The following RASGRP3 variants were observed in gnomAD, a reference collection of about 807,000 sequenced individuals.
The protein encoded by RASGRP3 is ras guanyl-releasing protein 3.
In RASGRP3, 54 loss-of-function variants were observed where a neutral mutation model predicts 82.7. The observed-to-expected ratio is 0.65, with a 90% CI of 0.52 to 0.82. The LOEUF (loss-of-function observed/expected upper bound fraction) is 0.82, where lower values mean the gene tolerates loss of function less well. Ranked by LOEUF, RASGRP3 falls within the 40% of genes least tolerant of loss-of-function variation. The pLI is 0.00. For missense variants in RASGRP3, 861 were observed against 828.9 expected (o/e 1.04, Z -0.48); for synonymous variants, 309 against 300.5 (o/e 1.03, Z -0.29).
intron 11 of RASGRP3, among the ~76,000 whole-genome samples, chr2:33,537,040 A>G (rs1447739528): frequency 1.3e-5 from 2 of 152,092 alleles, no homozygotes; most frequent in Non-Finnish European, 2.9e-5. Flanking sequence ...TCTGGCATCT[A>G]AGAAGAATCA....
intron 10 of RASGRP3, among the ~76,000 whole-genome samples, chr2:33,530,054 G>A (rs1672962164): frequency 6.6e-6 from 1 of 152,196 alleles, no homozygotes; most frequent in South Asian, 2.1e-4. Context: ...GACTGAGGAG[G>A]CTTCCATCTT....
At chr2:33,448,437 A>G (rs754346596) in intron 2 of RASGRP3, among the ~76,000 whole-genome samples, 37 of 146,712 alleles carry the variant, frequency 2.5e-4, no homozygotes, top group Non-Finnish European at 4.3e-4. Context: ...AGATGAAGAG[A>G]TAAACAAAAT....
At chr2:33,479,849 A>G (rs1667732609) in intron 1 of RASGRP3, among the ~76,000 whole-genome samples, 1 of 152,000 alleles carries the variant, frequency 6.6e-6, no homozygotes, top group African/African-American at 2.4e-5. Context: ...AAGTGTCAAA[A>G]TTAGGGTTGG....
intron 1 of RASGRP3, among the ~76,000 whole-genome samples, chr2:33,440,786 T>G (rs994903705): frequency 5.9e-5 from 9 of 152,122 alleles, no homozygotes; most frequent in South Asian, 2.1e-4. Flanking sequence ...TTACTTTTTT[T>G]GTATGACATG....
At chr2:33,460,712 A>G (rs747079311) in intron 2 of RASGRP3, among the ~76,000 whole-genome samples, 42 of 152,024 alleles carry the variant, frequency 2.8e-4, no homozygotes, top group Admixed American at 7.9e-4. Flanking sequence ...ACAGAGTTTC[A>G]CCTTGTTGCC....
In RASGRP3 at chr2:33,559,046, ACC is replaced by A. The variant is rs1374513280; in HGVS notation, c.2064+18_2064+19del. 1 of 1,555,334 alleles carries A rather than the reference ACC, an allele frequency of 6.4e-7. No homozygotes were observed. The highest frequency in any genetic ancestry group is 1.4e-5 in the African/African-American group (1 of 72,824). On this transcript the variant is annotated intron_variant, in intron 17 of 17. Transcript: ENST00000403687. ...GGATGGTGAGGTAAGTGCTAGGTCAACCCACAAAGAAAACCAGAAGAAGGAGG... is the reference window on the plus strand; with the variant it reads ...GGATGGTGAGGTAAGTGCTAGGTCAACACAAAGAAAACCAGAAGAAGGAGG...
At chr2:33,480,605 T>C (rs184643697) in intron 1 of RASGRP3, among the ~76,000 whole-genome samples, 22 of 152,308 alleles carry the variant, frequency 1.4e-4, no homozygotes, top group African/African-American at 5.1e-4. Flanking sequence ...ATAAAATGCT[T>C]GATTCGTTTT....
chr2:33,448,438 TAAAC>T (rs1248738507), intron 2 of RASGRP3, among the ~76,000 whole-genome samples: 1 of 146,478 alleles, frequency 6.8e-6, no homozygotes, highest in Non-Finnish European at 1.5e-5. Context: ...GATGAAGAGA[TAAAC>T]AAAATGTGGC....
At chr2:33,522,494 G>T (rs1356653804) in intron 7 of RASGRP3, among the ~76,000 whole-genome samples, 1 of 152,196 alleles carries the variant, frequency 6.6e-6, no homozygotes, top group Non-Finnish European at 1.5e-5. Flanking sequence ...GGCTAATTAT[G>T]GGTATAGGTT....
rs1165453357 is a variant in RASGRP3, at chr2:33,437,801, T to C, written c.-385+1210T>C. On this transcript the variant is annotated intron_variant, in intron 1 of 18. Transcript: ENST00000402538. The stretch of plus-strand genomic sequence containing the variant: ...ATAATATGTTTGAATAGAAAGATCA[T>C]GATTTCTTAGCTGAACTTAAGTGGT... Among the ~76,000 whole-genome samples, 3 of 151,974 alleles carry C rather than the reference T, an allele frequency of 2.0e-5. No individual in the cohort carries two copies. The East Asian group carries it at 5.8e-4, about 29-fold the overall frequency.
upstream of RASGRP3, among the ~76,000 whole-genome samples, chr2:33,471,770 G>T (rs756875661): frequency 6.6e-6 from 1 of 151,930 alleles, no homozygotes; most frequent in Non-Finnish European, 1.5e-5. Context: ...ACTTCTTCCT[G>T]GGTCAGTTTG....
At chr2:33,540,888 T>C (rs17013272) in intron 12 of RASGRP3, among the ~76,000 whole-genome samples, 55,648 of 144,730 alleles carry the variant, frequency 0.38, 15,626 homozygotes, top group Middle Eastern at 0.57. Flanking sequence ...TGTTTTCTGA[T>C]TTTGCACAAT....
intron 2 of RASGRP3, among the ~76,000 whole-genome samples, chr2:33,450,653 G>C (rs964417389): frequency 1.3e-5 from 2 of 151,708 alleles, no homozygotes; most frequent in Non-Finnish European, 2.9e-5. Context: ...CCACATCTTG[G>C]CTATTATAAA....
chr2:33,547,926 C>T (rs562669024), intron 13 of RASGRP3, among the ~76,000 whole-genome samples: 3 of 152,130 alleles, frequency 2.0e-5, no homozygotes, highest in East Asian at 3.9e-4. Context: ...TCCGTGTTAC[C>T]TCCTGCCAAT....
chr2:33,492,298 G>A (rs1015266259), intron 1 of RASGRP3, among the ~76,000 whole-genome samples: 1 of 152,184 alleles, frequency 6.6e-6, no homozygotes, highest in Non-Finnish European at 1.5e-5. Context: ...TAAAGGTTAT[G>A]AAACTTTTAT....
chr2:33,440,299 C>T (rs1283943374), intron 1 of RASGRP3, among the ~76,000 whole-genome samples: 1 of 152,240 alleles, frequency 6.6e-6, no homozygotes, highest in Non-Finnish European at 1.5e-5. Flanking sequence ...TCTGCCTCTG[C>T]AACCATCTAT....
At chr2:33,534,992 T>TACAC (rs1673465601) in intron 11 of RASGRP3, among the ~76,000 whole-genome samples, 1 of 152,170 alleles carries the variant, frequency 6.6e-6, no homozygotes, top group Admixed American at 6.5e-5. Context: ...AAGAACTCAT[T>TACAC]ACACCTAGGA....
intron 1 of RASGRP3, among the ~76,000 whole-genome samples, chr2:33,480,189 C>T (rs1430904795): frequency 6.6e-6 from 1 of 151,926 alleles, no homozygotes; most frequent in East Asian, 1.9e-4. Context: ...ACTACAGGCG[C>T]CCGCCACCAT....
At chr2:33,438,169 A>G (rs191437148) in intron 1 of RASGRP3, among the ~76,000 whole-genome samples, 1 of 152,390 alleles carries the variant, frequency 6.6e-6, no homozygotes, top group Admixed American at 6.5e-5. Context: ...TTTAAGAAAG[A>G]TAAAATTATG....
Sources: allele counts gnomAD v4.1 joint callset (sites outside exome capture counted in the v4.1 genomes callset), GRCh38; gene constraint gnomAD v4.1.1; transcripts MANE v1.5; gene names NCBI Gene and HGNC (gene_info 2026-07-23, HGNC 2026-07-21).